The following RANBP2 variants were observed in gnomAD, a reference collection of about 807,000 sequenced individuals.
RANBP2 encodes the protein E3 SUMO-protein ligase RanBP2.
Under a neutral mutation model 303.6 loss-of-function variants are expected in RANBP2, and 57 were observed. The observed-to-expected ratio is 0.19, with a 90% CI of 0.15 to 0.23. RANBP2 has a LOEUF of 0.23. Among genes scored for constraint, RANBP2 ranks in the 10% least tolerant of loss-of-function variants. The pLI is 1.00. For synonymous variants in RANBP2, 1,167 were observed against 1,301.5 expected, an observed-to-expected ratio of 0.90 and a Z score of 2.23; for missense variants, 3,138 against 3,780.8, an observed-to-expected ratio of 0.83 and a Z score of 4.46.
the RANBP2 span, among the ~76,000 whole-genome samples, chr2:109,582,075 G>GACACACAGAC: frequency 1.4e-5 from 2 of 143,884 alleles, no homozygotes; most frequent in Admixed American, 1.4e-4. Flanking sequence ...ATGTACAACA[G>GACACACAGAC]ACACACACAC....
chr2:109,381,624 G>A, the RANBP2 span, among the ~76,000 whole-genome samples: 3 of 151,864 alleles, frequency 2.0e-5, no homozygotes, highest in East Asian at 1.9e-4. Context: ...GTTAGGCTGT[G>A]GCTCGCAAAC....
the RANBP2 span, among the ~76,000 whole-genome samples, chr2:108,916,002 C>T: frequency 1.3e-5 from 2 of 152,234 alleles, no homozygotes; most frequent in African/African-American, 4.8e-5. Flanking sequence ...AGCGTTCCCC[C>T]TCACAGACCT....
the RANBP2 span, among the ~76,000 whole-genome samples, chr2:109,375,717 C>A: frequency 9.9e-5 from 15 of 152,230 alleles, no homozygotes; most frequent in African/African-American, 3.6e-4. Context: ...GGCATGAGTG[C>A]CGGGGCTGAG....
chr2:109,506,911 G>T, the RANBP2 span, among the ~76,000 whole-genome samples: 1 of 152,224 alleles, frequency 6.6e-6, no homozygotes, highest in East Asian at 1.9e-4. Context: ...CCACATGCTA[G>T]GTCAAGCTGT....
the RANBP2 span, among the ~76,000 whole-genome samples, chr2:109,187,626 A>G: frequency 6.6e-6 from 1 of 152,154 alleles, no homozygotes; most frequent in Non-Finnish European, 1.5e-5. Flanking sequence ...TAGCCTAGGT[A>G]TGTCTTAGGC....
At chr2:108,775,396 T>C (rs562565081) in intron 23 of RANBP2, among the ~76,000 whole-genome samples, 2 of 152,344 alleles carry the variant, frequency 1.3e-5, no homozygotes, top group Admixed American at 6.5e-5. Flanking sequence ...ATTGTGCCAT[T>C]GGCAGTTCCA....
the RANBP2 span, among the ~76,000 whole-genome samples, chr2:109,073,043 A>C: frequency 6.6e-6 from 1 of 152,202 alleles, no homozygotes; most frequent in Non-Finnish European, 1.5e-5. Flanking sequence ...CAAACAGGAA[A>C]TATGCCATAA....
At chr2:109,286,653 CA>C in the RANBP2 span, among the ~76,000 whole-genome samples, 1 of 152,194 alleles carries the variant, frequency 6.6e-6, no homozygotes, top group African/African-American at 2.4e-5. Flanking sequence ...AGCTCTGAAG[CA>C]GGAATCTTTT....
intron 22 of RANBP2, 66 bp downstream of exon 22, chr2:108,772,647 A>G: frequency 6.9e-7 from 1 of 1,453,406 alleles, no homozygotes; most frequent in South Asian, 1.2e-5. Context: ...GGAATAACCT[A>G]GTCTGATAAT....
the RANBP2 span, among the ~76,000 whole-genome samples, chr2:109,573,554 T>C: frequency 6.6e-6 from 1 of 152,222 alleles, no homozygotes; most frequent in Non-Finnish European, 1.5e-5. Context: ...AATCGACCGA[T>C]GTGCCAAAGC....
chr2:109,025,690 C>T, the RANBP2 span, among the ~76,000 whole-genome samples: 1 of 150,052 alleles, frequency 6.7e-6, no homozygotes, highest in Non-Finnish European at 1.5e-5. Context: ...CCCAGCTACT[C>T]GGGAGGCTGA....
chr2:108,844,905 G>T, the RANBP2 span, among the ~76,000 whole-genome samples: 1 of 151,984 alleles, frequency 6.6e-6, no homozygotes, highest in Non-Finnish European at 1.5e-5. Flanking sequence ...ACGCCACCAA[G>T]CCCAGTTAAT....
the RANBP2 span, among the ~76,000 whole-genome samples, chr2:109,205,261 C>CTTT: frequency 2.2e-5 from 3 of 135,942 alleles, no homozygotes; most frequent in African/African-American, 7.9e-5. Flanking sequence ...ACTTATGTGA[C>CTTT]TTTTTTTTTT....
chr2:108,776,636 G>A (rs768212559), intron 24 of RANBP2, among the ~76,000 whole-genome samples: 1 of 152,122 alleles, frequency 6.6e-6, no homozygotes, highest in Non-Finnish European at 1.5e-5. Flanking sequence ...TAAGGCATGG[G>A]GCTTTCAGAG....
the RANBP2 span, among the ~76,000 whole-genome samples, chr2:109,126,069 C>T: frequency 1.3e-5 from 2 of 152,170 alleles, no homozygotes; most frequent in Non-Finnish European, 2.9e-5. Flanking sequence ...GTCGTCATTC[C>T]CCCAGGGCTG....
chr2:109,494,296 TGGCTCCTTGC>T, the RANBP2 span, among the ~76,000 whole-genome samples: 5 of 140,204 alleles, frequency 3.6e-5, no homozygotes, highest in African/African-American at 1.3e-4. Context: ...GACTCTTTGG[TGGCTCCTTGC>T]ACCCAAGCAC....
At chr2:108,997,233 A>T in the RANBP2 span, among the ~76,000 whole-genome samples, 1 of 151,974 alleles carries the variant, frequency 6.6e-6, no homozygotes, top group Admixed American at 6.5e-5. Context: ...CGAGGTCAGG[A>T]GATCGAGACC....
the RANBP2 span, among the ~76,000 whole-genome samples, chr2:108,792,134 G>A: frequency 6.6e-6 from 1 of 152,182 alleles, no homozygotes; most frequent in South Asian, 2.1e-4. Context: ...GCACTGAACT[G>A]CCAGCAGTTT....
chr2:108,845,939 T>A, the RANBP2 span, among the ~76,000 whole-genome samples: 1 of 152,222 alleles, frequency 6.6e-6, no homozygotes. Context: ...AGTTTCATGC[T>A]ACTATTTCTA....
Sources: gnomAD v4.1 joint callset for allele counts (sites outside exome capture counted in the v4.1 genomes callset) on GRCh38, gnomAD v4.1.1 for gene constraint, MANE v1.5 for transcripts, NCBI Gene and HGNC (gene_info 2026-07-23, HGNC 2026-07-21) for gene names.